The following SMARCA4 variants were observed in gnomAD, a reference collection of about 807,000 sequenced individuals.
SMARCA4 encodes SWI/SNF-related matrix-associated actin-dependent regulator of chromatin subfamily A member 4.
A neutral mutation model predicts 193.9 loss-of-function variants in SMARCA4; 31 were observed. That is an observed-to-expected ratio of 0.16 (90% CI 0.12 to 0.22). The LOEUF is 0.22. SMARCA4 is among the 10% of genes least tolerant of loss of function. The pLI, the probability that SMARCA4 is intolerant of heterozygous loss-of-function variation, is 1.00. For synonymous variants in SMARCA4, 942 were observed against 933.1 expected, an observed-to-expected ratio of 1.01 and a Z score of -0.17; for missense variants, 1,148 against 2,296.0, an observed-to-expected ratio of 0.50 and a Z score of 10.22.
Position 11,019,502 on chromosome 19 carries a change from C to G in SMARCA4, c.2506-89C>G, listed in dbSNP as rs1193196060. ...GAGGACGAGCCCTCCCGCCGTGTCA[C>G]TGGGCAGTTGCAGGGGGTGCCTGTG... On this transcript the variant is annotated intron_variant, in intron 17 of 34. Transcript: ENST00000344626. This position sits in a 1 kb window ranked among gnomAD's most constrained non-coding sequence, Gnocchi z 6.1. The G allele has an allele frequency of 2.5e-6, 2 of 792,898 alleles. No homozygotes were observed. Among genetic ancestry groups the G allele is most frequent in the Non-Finnish European group, 4.3e-6 (2 of 460,114 alleles). The allele number at this position is 792,898 out of a possible 1,614,324, so 49.1% of individuals were successfully genotyped here.
rs1246399760 is a variant in SMARCA4 at position 10,986,067 on chromosome 19, CAA to C, written c.356-121_356-120del. On this transcript the variant is annotated intron_variant, in intron 3 of 34. Coordinates refer to ENST00000344626, the MANE Select transcript of SMARCA4 (RefSeq NM_003072.5). This position sits in a 1 kb window ranked among gnomAD's most constrained non-coding sequence, Gnocchi z 6.7. Reference sequence around the variant, plus strand: ...GCCCTCCAGGTGCCCCTGGTTGACTCAAGAGAAGGATGCCATTTGGCTGTGCC... The same window carrying C: ...GCCCTCCAGGTGCCCCTGGTTGACTCGAGAAGGATGCCATTTGGCTGTGCC... 4.0e-5 allele frequency: 35 copies of C among 865,978 alleles called. No homozygotes were observed. Among genetic ancestry groups the C allele is most frequent in the South Asian group, 3.2e-4 (23 of 70,822 alleles). The allele number at this position is 865,978 out of a possible 1,614,324, so 53.6% of individuals were successfully genotyped here.
chr19:11,029,876 A>G (rs895331642), intron 24 of SMARCA4, among the ~76,000 whole-genome samples: 1 of 152,012 alleles, frequency 6.6e-6, no homozygotes, highest in Non-Finnish European at 1.5e-5. Context: ...GGGTTTCACC[A>G]TGTTGGCCAG....
At chr19:11,052,536 A>G (rs1050466764) in intron 30 of SMARCA4, among the ~76,000 whole-genome samples, 1 of 151,762 alleles carries the variant, frequency 6.6e-6, no homozygotes, top group Non-Finnish European at 1.5e-5. Flanking sequence ...ACAAACACCC[A>G]CCCTTTCCTC....
chr19:11,024,056 T>C (rs2090069895), intron 20 of SMARCA4, among the ~76,000 whole-genome samples: 1 of 152,128 alleles, frequency 6.6e-6, no homozygotes, highest in Non-Finnish European at 1.5e-5. Context: ...CCCTCTTGGC[T>C]CTTTGTTTCC....
chr19:10,996,202 T>C lies in SMARCA4; in HGVS notation c.1594-11T>C, dbSNP rs2145968068. ...TGCCACCACATTGCAGTAACCCCCA[T>C]GCTTTTGTAGGCTGAAGATGAGGAG... On this transcript the variant is annotated splice_polypyrimidine_tract_variant and intron_variant, in intron 9 of 34. Transcript: ENST00000344626. 1 of 1,614,040 alleles carries C rather than the reference T, an allele frequency of 6.2e-7. No homozygotes were observed. Among genetic ancestry groups the C allele is most frequent in the East Asian group, 2.2e-5 (1 of 44,888 alleles).
rs1399561275 is a variant in SMARCA4 at position 11,061,205 on chromosome 19, ATATATAT to A, written c.4912-578_4912-572del. On this transcript the variant is annotated intron_variant, in intron 34 of 34. Coordinates refer to ENST00000344626, the MANE Select transcript of SMARCA4 (RefSeq NM_003072.5). ...CCTGTCTTTAAAAAAAAAAAAAAAA[ATATATAT>A]ATATATATATATATATATATATATA... 5.0e-3 allele frequency among the ~76,000 whole-genome samples: 193 copies of A among 38,492 alleles called. 2 individuals carry two copies. Among genetic ancestry groups the A allele is most frequent in the South Asian group, 0.023 (28 of 1,210 alleles). The allele number at this position is 38,492 out of a possible 152,430, so 25.3% of individuals were successfully genotyped here.
chr19:11,017,456 C>T (rs1230429146), intron 16 of SMARCA4, among the ~76,000 whole-genome samples: 1 of 152,248 alleles, frequency 6.6e-6, no homozygotes, highest in Non-Finnish European at 1.5e-5. Context: ...AACGCCAGCT[C>T]CTGCAGGCCA....
In SMARCA4 at chr19:10,986,878, TTC is replaced by T; in HGVS notation, c.761-23_761-22del. On this transcript the variant is annotated intron_variant, in intron 4 of 34. Coordinates refer to ENST00000344626, the MANE Select transcript of SMARCA4 (RefSeq NM_003072.5). The surrounding 1 kb of genome is among the most constrained non-coding windows in gnomAD (Gnocchi z 6.7). ...AGGCATAAACCTGGGACGCACTGTTTTCTCTTTTGTTTCTCCCTACATGTAGG... is the reference window on the plus strand; with the variant it reads ...AGGCATAAACCTGGGACGCACTGTTTTCTTTTGTTTCTCCCTACATGTAGG... 2 of 1,578,272 alleles carry T rather than the reference TTC, an allele frequency of 1.3e-6. No homozygotes were observed. Among genetic ancestry groups the T allele is most frequent in the Non-Finnish European group, 1.7e-6 (2 of 1,147,934 alleles).
chr19:10,993,200 G>A (rs1022780164), intron 8 of SMARCA4, among the ~76,000 whole-genome samples: 1 of 151,288 alleles, frequency 6.6e-6, no homozygotes, highest in African/African-American at 2.4e-5. Context: ...TGGCCAGGCT[G>A]GTCTTGAACT....
rs770591183 is a variant in SMARCA4, at chr19:11,059,894, CG to C, written c.4768+16del. ...AGGCTCCGAATCCGAATGTGAGTCCCGGGGGGGTTCAGGACGCCGGGGTTCA... is the reference window on the plus strand; with the variant it reads ...AGGCTCCGAATCCGAATGTGAGTCCCGGGGGGTTCAGGACGCCGGGGTTCA... On this transcript the variant is annotated intron_variant, in intron 33 of 34. Transcript: ENST00000344626. The C allele has an allele frequency of 3.1e-6, 5 of 1,613,642 alleles. No individual in the cohort carries two copies. Among genetic ancestry groups the C allele is most frequent in the Non-Finnish European group, 4.2e-6 (5 of 1,179,954 alleles).
intron 30 of SMARCA4, among the ~76,000 whole-genome samples, chr19:11,046,222 C>CAA (rs574819439): frequency 6.8e-4 from 57 of 83,570 alleles, no homozygotes; most frequent in Non-Finnish European, 9.8e-4. Context: ...GACTCCGTCT[C>CAA]AAAAAAAAAA....
chr19:11,041,260 T>C lies in SMARCA4; in HGVS notation c.4171-47T>C, dbSNP rs2146810088. ...GGGATTGCGTCGCGGCCTCTGCTTG[T>C]CGACCTGGGTGCTGGCTGTCCTATT... On this transcript the variant is annotated intron_variant, in intron 29 of 34. Coordinates refer to ENST00000344626, the MANE Select transcript of SMARCA4 (RefSeq NM_003072.5). The surrounding 1 kb of genome is among the most constrained non-coding windows in gnomAD (Gnocchi z 5.6). 6.4e-7 allele frequency: 1 copy of C among 1,568,460 alleles called. No homozygotes were observed. The highest frequency in any genetic ancestry group is 8.6e-7 in the Non-Finnish European group (1 of 1,156,778).
chr19:11,007,943 C>T lies in SMARCA4; in HGVS notation c.2043C>T (p.Thr681=), dbSNP rs1255206893. The change falls in exon 14 of 35, where the codon ACC becomes ACT. Residue 681 remains threonine, a synonymous_variant. Transcript: ENST00000344626. ...AGCCGCAGGCAGCACAGCCTCCCAC[C>T]CTGCCCGTGGAGGAGAAGAAGAAGA... ...EEQPQAAQPP[T]LPVEEKKKIP... is the part of the protein sequence containing the mutation. The T allele has an allele frequency of 1.2e-6, 2 of 1,613,600 alleles. No homozygotes were observed. The highest frequency in any genetic ancestry group is 1.7e-5 in the Admixed American group (1 of 60,002).
chr19:11,035,571 C>A (rs148814112), intron 29 of SMARCA4, among the ~76,000 whole-genome samples: 73 of 152,326 alleles, frequency 4.8e-4, no homozygotes, highest in African/African-American at 1.6e-3. Flanking sequence ...AGTCCCCCCC[C>A]ATGAGCTGGG....
chr19:11,038,699 C>T (rs1432659238), intron 29 of SMARCA4, among the ~76,000 whole-genome samples: 1 of 152,218 alleles, frequency 6.6e-6, no homozygotes, highest in Admixed American at 6.5e-5. Context: ...CTGTCCTCAG[C>T]GCCAGGCACA....
intron 1 of SMARCA4, among the ~76,000 whole-genome samples, chr19:10,982,794 G>A (rs911765461): frequency 6.6e-5 from 10 of 152,060 alleles, no homozygotes; most frequent in South Asian, 2.1e-4. Flanking sequence ...GTGAGCCACC[G>A]CGCCTGGCCA....
chr19:11,045,015 G>T (rs2075819247), intron 30 of SMARCA4, among the ~76,000 whole-genome samples: 1 of 152,176 alleles, frequency 6.6e-6, no homozygotes, highest in Non-Finnish European at 1.5e-5. Context: ...AGTGAAAGAA[G>T]CCAGACACTA....
At chr19:10,990,005 G>T (rs1326818637) in intron 7 of SMARCA4, among the ~76,000 whole-genome samples, 1 of 151,392 alleles carries the variant, frequency 6.6e-6, no homozygotes. Context: ...GTCCTGCATG[G>T]GTCTATTTCT....
rs907366824 is a variant in SMARCA4, at chr19:11,060,038, C to T, written c.4769-7C>T. ...CAAGGCTGTCTTTCCCTCCCGGTCC[C>T]CTCCAGCTCGGTCCGTCAAAGTGAA... is the stretch of plus-strand genomic sequence containing the variant. On this transcript the variant is annotated splice_region_variant and splice_polypyrimidine_tract_variant and intron_variant, in intron 33 of 34. Transcript: ENST00000344626. 5.7e-6 allele frequency: 9 copies of T among 1,572,734 alleles called. No individual in the cohort carries two copies. The highest frequency in any genetic ancestry group is 5.6e-5 in the Admixed American group (3 of 53,192).
Sources: gnomAD v4.1 joint callset for allele counts (sites outside exome capture counted in the v4.1 genomes callset) on GRCh38, gnomAD v4.1.1 for gene constraint, Gnocchi (gnomAD v3.1) non-coding constraint, MANE v1.5 for transcripts, NCBI Gene and HGNC (gene_info 2026-07-23, HGNC 2026-07-21) for gene names.